The following GRID2 variants were observed in gnomAD, a reference collection of about 807,000 sequenced individuals.
GRID2 encodes glutamate ionotropic receptor delta type subunit 2, also known as glutamate receptor ionotropic, delta-2.
In GRID2, 33 loss-of-function variants were observed where a neutral mutation model predicts 114.8. The ratio of observed to expected loss-of-function variants is 0.29; its 90% CI spans 0.22 to 0.38. The LOEUF (loss-of-function observed/expected upper bound fraction) is 0.38, where lower values mean the gene tolerates loss of function less well. Ranked by LOEUF, GRID2 falls within the 10% of genes least tolerant of loss-of-function variation. GRID2 has a pLI of 1.00. For synonymous variants in GRID2, 505 were observed against 449.9 expected, an observed-to-expected ratio of 1.12 and a Z score of -1.55; for missense variants, 1,184 against 1,257.7, an observed-to-expected ratio of 0.94 and a Z score of 0.89.
intron 2 of GRID2, among the ~76,000 whole-genome samples, chr4:92,926,470 T>G (rs1749816915): frequency 6.6e-6 from 1 of 151,924 alleles, no homozygotes; most frequent in Non-Finnish European, 1.5e-5. Flanking sequence ...ATAATAAATT[T>G]CACATATTCT....
At chr4:92,382,472 A>T (rs979611624) in intron 1 of GRID2, among the ~76,000 whole-genome samples, 10 of 152,014 alleles carry the variant, frequency 6.6e-5, no homozygotes, top group African/African-American at 2.2e-4. Flanking sequence ...TACATATTAT[A>T]TTTGTGATTT....
At chr4:93,603,027 T>C (rs1739856140) in intron 13 of GRID2, among the ~76,000 whole-genome samples, 1 of 152,104 alleles carries the variant, frequency 6.6e-6, no homozygotes, top group South Asian at 2.1e-4. Context: ...CTGGCCAACA[T>C]GGTGAAACCC....
chr4:93,598,984 T>C (rs186147973), intron 13 of GRID2, among the ~76,000 whole-genome samples: 1 of 152,360 alleles, frequency 6.6e-6, no homozygotes, highest in African/African-American at 2.4e-5. Flanking sequence ...GCTAATTTTT[T>C]CTTTTTAAGT....
At chr4:92,915,960 G>C (rs1748759319) in intron 2 of GRID2, among the ~76,000 whole-genome samples, 1 of 151,952 alleles carries the variant, frequency 6.6e-6, no homozygotes, top group African/African-American at 2.4e-5. Context: ...TATAGATGCT[G>C]GATATTAGAC....
chr4:93,208,736 G>A (rs1279621372), intron 5 of GRID2, among the ~76,000 whole-genome samples: 3 of 151,892 alleles, frequency 2.0e-5, no homozygotes, highest in African/African-American at 7.2e-5. Flanking sequence ...CCAAACATTA[G>A]GTTTCTATGA....
chr4:92,876,404 A>C (rs993057873), intron 2 of GRID2, among the ~76,000 whole-genome samples: 1 of 151,874 alleles, frequency 6.6e-6, no homozygotes, highest in African/African-American at 2.4e-5. Flanking sequence ...TCCAGAGTTC[A>C]CACCATTCTC....
chr4:93,270,215 TACACACACACACACACACACAC>T (rs34945534), intron 8 of GRID2, among the ~76,000 whole-genome samples: 42 of 137,176 alleles, frequency 3.1e-4, no homozygotes, highest in South Asian at 1.2e-3. Context: ...CACACACACA[TACACACACACACACACACACAC>T]ACACACACAC....
chr4:93,484,055 A>G (rs1726133280), intron 11 of GRID2, among the ~76,000 whole-genome samples: 1 of 151,896 alleles, frequency 6.6e-6, no homozygotes, highest in Non-Finnish European at 1.5e-5. Flanking sequence ...GAGAAAGAAA[A>G]CAAATATCAT....
intron 13 of GRID2, among the ~76,000 whole-genome samples, chr4:93,581,629 G>C (rs1238508929): frequency 6.6e-6 from 1 of 152,090 alleles, no homozygotes; most frequent in East Asian, 1.9e-4. Flanking sequence ...TGATATCCAA[G>C]GAAATTAAGT....
At chr4:92,731,978 T>C (rs1736350096) in intron 2 of GRID2, among the ~76,000 whole-genome samples, 1 of 151,940 alleles carries the variant, frequency 6.6e-6, no homozygotes. Context: ...GCCTTAGAAA[T>C]TCTTAGGGTA....
chr4:93,206,304 A>G (rs956652374), intron 4 of GRID2, among the ~76,000 whole-genome samples: 12 of 151,962 alleles, frequency 7.9e-5, no homozygotes, highest in African/African-American at 2.9e-4. Context: ...TTCCAATTTT[A>G]TTTTTTGTGA....
At chr4:93,300,549 A>C (rs1467853684) in intron 8 of GRID2, among the ~76,000 whole-genome samples, 4 of 152,146 alleles carry the variant, frequency 2.6e-5, no homozygotes, top group African/African-American at 4.8e-5. Flanking sequence ...ATCAGTACAA[A>C]TATCAACATA....
At chr4:93,032,727 C>T (rs945930288) in intron 2 of GRID2, among the ~76,000 whole-genome samples, 1 of 152,066 alleles carries the variant, frequency 6.6e-6, no homozygotes, top group African/African-American at 2.4e-5. Context: ...AAGAAGAAAA[C>T]AATTATCATA....
chr4:92,836,958 T>A (rs2149405121), intron 2 of GRID2, among the ~76,000 whole-genome samples: 1 of 152,174 alleles, frequency 6.6e-6, no homozygotes, highest in Non-Finnish European at 1.5e-5. Context: ...GAGGAAATTT[T>A]AAAATGGAAG....
At chr4:92,527,176 T>C (rs1368328790) in intron 1 of GRID2, among the ~76,000 whole-genome samples, 2 of 152,116 alleles carry the variant, frequency 1.3e-5, no homozygotes, top group Admixed American at 6.5e-5. Flanking sequence ...TCACTCCTAA[T>C]GGAATCTCCA....
intron 2 of GRID2, among the ~76,000 whole-genome samples, chr4:92,994,088 T>C (rs551376546): frequency 2.6e-5 from 4 of 152,280 alleles, no homozygotes; most frequent in Non-Finnish European, 5.9e-5. Context: ...TTTGAAGATA[T>C]GTCCTTTGCA....
chr4:93,330,521 G>A (rs1758309871), intron 8 of GRID2, among the ~76,000 whole-genome samples: 1 of 152,064 alleles, frequency 6.6e-6, no homozygotes, highest in Non-Finnish European at 1.5e-5. Context: ...TTTAGTATTT[G>A]TTTTAACACA....
chr4:93,473,775 G>T (rs1057105341), intron 11 of GRID2, among the ~76,000 whole-genome samples: 3 of 152,042 alleles, frequency 2.0e-5, no homozygotes, highest in Admixed American at 2.0e-4. Flanking sequence ...AAAACTACCC[G>T]AGATGTCTAT....
intron 2 of GRID2, among the ~76,000 whole-genome samples, chr4:93,008,194 C>T (rs1721761814): frequency 6.6e-6 from 1 of 151,990 alleles, no homozygotes; most frequent in African/African-American, 2.4e-5. Flanking sequence ...GTACTCTCTG[C>T]AAAATTCTTC....
Sources: allele counts gnomAD v4.1 joint callset (sites outside exome capture counted in the v4.1 genomes callset), GRCh38; gene constraint gnomAD v4.1.1; transcripts MANE v1.5; gene names NCBI Gene and HGNC (gene_info 2026-07-23, HGNC 2026-07-21).